LINGO2: variants seen among roughly 807,000 people sequenced by gnomAD.
LINGO2 encodes leucine rich repeat and Ig domain containing 2, also known as leucine-rich repeat and immunoglobulin-like domain-containing nogo receptor-interacting protein 2.
LINGO2 carries 14 observed loss-of-function variants against 30.6 expected under a neutral mutation model. That is an observed-to-expected ratio of 0.46 (90% CI 0.30 to 0.72). The LOEUF is 0.72. LINGO2 is among the 30% of genes least tolerant of loss of function. The pLI is 0.07. For synonymous variants in LINGO2, 317 were observed against 288.5 expected (o/e 1.10, Z -1.00); for missense variants, 729 against 751.7 (o/e 0.97, Z 0.35).
At chr9:28,962,540 T>G in the LINGO2 span, among the ~76,000 whole-genome samples, 2 of 151,950 alleles carry the variant, frequency 1.3e-5, no homozygotes, top group South Asian at 4.1e-4. Context: ...TTCTCTTTCT[T>G]TATAATGTAC....
rs1264862311 is a variant in LINGO2, at chr9:28,009,745, C to G, written c.-36+2610G>C. Reference sequence around the variant, plus strand: ...TGACAATGATGTGGAGATATGGGAACTCTCATATATTCCTGGTGGAAATGT... The same window carrying G: ...TGACAATGATGTGGAGATATGGGAAGTCTCATATATTCCTGGTGGAAATGT... On this transcript the variant is annotated intron_variant, in intron 5 of 5. Coordinates refer to ENST00000379992, the Ensembl canonical transcript of LINGO2. Among the ~76,000 whole-genome samples the G allele has an allele frequency of 3.3e-5, 5 of 152,134 alleles. No homozygotes were observed. The East Asian group carries it at 9.6e-4, about 29-fold the overall frequency.
intron 2 of LINGO2, among the ~76,000 whole-genome samples, chr9:28,419,910 C>A (rs541123125): frequency 2.0e-5 from 3 of 151,794 alleles, no homozygotes; most frequent in East Asian, 3.9e-4. Flanking sequence ...AAAAGGTTGG[C>A]AAATTATAAT....
intron 5 of LINGO2, among the ~76,000 whole-genome samples, chr9:27,988,643 C>T (rs1821243504): frequency 6.6e-6 from 1 of 151,928 alleles, no homozygotes; most frequent in African/African-American, 2.4e-5. Flanking sequence ...TAAATGTCTT[C>T]TTTTGAGTAG....
intron 1 of LINGO2, among the ~76,000 whole-genome samples, chr9:28,637,648 T>C (rs993089168): frequency 6.6e-5 from 10 of 152,178 alleles, no homozygotes; most frequent in African/African-American, 2.2e-4. Context: ...ATAAGAATGC[T>C]TGTGATTTTT....
At chr9:28,520,491 TTG>T (rs1820788139) in intron 1 of LINGO2, among the ~76,000 whole-genome samples, 1 of 152,180 alleles carries the variant, frequency 6.6e-6, no homozygotes, top group Non-Finnish European at 1.5e-5. Flanking sequence ...CTTATTGTCT[TTG>T]CTTTTCTTTT....
intron 4 of LINGO2, among the ~76,000 whole-genome samples, chr9:28,226,671 GAA>G (rs1414720465): frequency 1.1e-5 from 1 of 94,412 alleles, no homozygotes; most frequent in African/African-American, 6.0e-5. Context: ...AAGAAAGAAA[GAA>G]AGAAAGAAAG....
intron 4 of LINGO2, among the ~76,000 whole-genome samples, chr9:28,031,032 C>G (rs1163967301): frequency 2.0e-5 from 3 of 152,142 alleles, no homozygotes; most frequent in African/African-American, 7.2e-5. Context: ...CAATCTTATA[C>G]TTTCCCAATT....
intron 1 of LINGO2, among the ~76,000 whole-genome samples, chr9:28,576,632 G>C (rs1824005664): frequency 6.6e-6 from 1 of 152,034 alleles, no homozygotes; most frequent in South Asian, 2.1e-4. Context: ...CATTCCCATA[G>C]TTTTTAGGAT....
At chr9:28,338,408 CT>C (rs1314076934) in intron 3 of LINGO2, among the ~76,000 whole-genome samples, 2 of 152,052 alleles carry the variant, frequency 1.3e-5, no homozygotes, top group African/African-American at 4.8e-5. Context: ...TCAGATGAGA[CT>C]TTGGGTTTGG....
the LINGO2 span, among the ~76,000 whole-genome samples, chr9:28,847,497 G>T: frequency 2.7e-5 from 4 of 146,728 alleles, no homozygotes; most frequent in Non-Finnish European, 6.0e-5. Context: ...TTATGATCAT[G>T]TCTTTTCTTC....
At chr9:28,153,641 G>A (rs923320871) in intron 4 of LINGO2, among the ~76,000 whole-genome samples, 14 of 152,068 alleles carry the variant, frequency 9.2e-5, no homozygotes, top group Non-Finnish European at 4.4e-5. Context: ...TTCCCATTTC[G>A]AGTTCGTCAA....
intron 3 of LINGO2, among the ~76,000 whole-genome samples, chr9:28,358,950 C>A (rs922511240): frequency 2.0e-5 from 3 of 152,092 alleles, no homozygotes; most frequent in Non-Finnish European, 4.4e-5. Flanking sequence ...TGAGTCTGTT[C>A]ATTCTCATTA....
chr9:29,151,400 T>G, the LINGO2 span, among the ~76,000 whole-genome samples: 2 of 152,044 alleles, frequency 1.3e-5, no homozygotes, highest in African/African-American at 4.8e-5. Context: ...AGCTATTATA[T>G]CAATACTAAA....
chr9:29,175,590 G>A, the LINGO2 span, among the ~76,000 whole-genome samples: 51 of 143,772 alleles, frequency 3.5e-4, no homozygotes, highest in African/African-American at 1.1e-3. Context: ...GCAGTGGAGC[G>A]ATCTCGGCTC....
chr9:28,951,284 T>G, the LINGO2 span, among the ~76,000 whole-genome samples: 1 of 151,414 alleles, frequency 6.6e-6, no homozygotes, highest in Admixed American at 6.6e-5. Context: ...AAACCAAACC[T>G]ATGTTTCTAT....
chr9:28,395,482 A>G (rs1382144342), intron 2 of LINGO2, among the ~76,000 whole-genome samples: 1 of 152,158 alleles, frequency 6.6e-6, no homozygotes, highest in Non-Finnish European at 1.5e-5. Flanking sequence ...AACCATTTCA[A>G]CTATGATATT....
At chr9:28,310,243 C>T (rs1420026738) in intron 3 of LINGO2, among the ~76,000 whole-genome samples, 2 of 152,096 alleles carry the variant, frequency 1.3e-5, no homozygotes, top group African/African-American at 4.8e-5. Flanking sequence ...CACAGTCGTT[C>T]CTAGAAACTT....
the LINGO2 span, among the ~76,000 whole-genome samples, chr9:28,724,931 C>T: frequency 2.6e-4 from 39 of 152,022 alleles, no homozygotes; most frequent in African/African-American, 9.2e-4. Context: ...GAAATGGGTT[C>T]CAAAGACAAT....
the LINGO2 span, among the ~76,000 whole-genome samples, chr9:28,679,479 A>G: frequency 6.6e-6 from 1 of 152,080 alleles, no homozygotes; most frequent in Non-Finnish European, 1.5e-5. Flanking sequence ...AACGGAAAGT[A>G]TAAGATTCCA....
Sources: gnomAD v4.1 joint callset for allele counts (sites outside exome capture counted in the v4.1 genomes callset) on GRCh38, gnomAD v4.1.1 for gene constraint, MANE v1.5 for transcripts, NCBI Gene and HGNC (gene_info 2026-07-23, HGNC 2026-07-21) for gene names.